TRPM3: variants seen among roughly 807,000 people sequenced by gnomAD.
TRPM3 encodes transient receptor potential cation channel subfamily M member 3.
Under a neutral mutation model 181.2 loss-of-function variants are expected in TRPM3, and 77 were observed. That is an observed-to-expected ratio of 0.42 (90% confidence interval 0.35 to 0.51). The LOEUF is 0.51. Among genes scored for constraint, TRPM3 ranks in the 20% least tolerant of loss-of-function variants. TRPM3 has a pLI of 0.01. For missense variants in TRPM3, 1,759 were observed against 2,196.7 expected (o/e 0.80, Z 3.98); for synonymous variants, 745 against 796.4 (o/e 0.94, Z 1.09).
At position 70,611,444 on chromosome 9, in the gene TRPM3, C is replaced by T. The variant is rs369267936; in HGVS notation, c.2527-695G>A. Among the ~76,000 whole-genome samples the T allele has an allele frequency of 9.9e-5, 15 of 152,220 alleles. No homozygotes were observed. The South Asian group carries it at 1.7e-3, about 17-fold the overall frequency. On this transcript the variant is annotated intron_variant, in intron 18 of 25. Coordinates refer to ENST00000677713, the MANE Select transcript of TRPM3 (RefSeq NM_001366145.2). ...ATGGTTTTAAAGTGTGGCACTTCCT[C>T]GGTCTGTCACTCTCTCTCTCCTGCC...
At chr9:70,689,065 C>G (rs767682327) in intron 8 of TRPM3, among the ~76,000 whole-genome samples, 10 of 152,102 alleles carry the variant, frequency 6.6e-5, no homozygotes, top group Non-Finnish European at 1.0e-4. Context: ...GGTAACATAG[C>G]AAAGTGAATG....
intron 1 of TRPM3, among the ~76,000 whole-genome samples, chr9:71,342,148 T>TA (rs1004193390): frequency 2.7e-5 from 4 of 150,166 alleles, no homozygotes; most frequent in African/African-American, 9.7e-5. Flanking sequence ...CAGACACTTT[T>TA]AAATATCACT....
intron 1 of TRPM3, chr9:71,446,618 A>C: frequency 1.9e-6 from 3 of 1,542,054 alleles, no homozygotes; most frequent in Non-Finnish European, 2.6e-6. Context: ...GGGAGAAAAG[A>C]AAGCAAAGAC....
At chr9:70,875,016 T>A (rs2095847680) in intron 1 of TRPM3, among the ~76,000 whole-genome samples, 1 of 151,982 alleles carries the variant, frequency 6.6e-6, no homozygotes, top group Non-Finnish European at 1.5e-5. Flanking sequence ...ATGATTCCAA[T>A]TCTGAGGTCA....
At chr9:70,563,295 A>T (rs752269116) in intron 22 of TRPM3, among the ~76,000 whole-genome samples, 4 of 152,068 alleles carry the variant, frequency 2.6e-5, no homozygotes, top group Non-Finnish European at 4.4e-5. Flanking sequence ...CATGCAGCCA[A>T]CTCTCAGTCT....
At chr9:70,917,587 G>A in intron 1 of TRPM3, 1 of 420,060 alleles carries the variant, frequency 2.4e-6, no homozygotes, top group Non-Finnish European at 4.6e-6. Flanking sequence ...TTAAAATAAT[G>A]GCTTATACTA....
At chr9:70,672,588 A>C (rs779511673) in intron 9 of TRPM3, among the ~76,000 whole-genome samples, 2 of 152,218 alleles carry the variant, frequency 1.3e-5, no homozygotes, top group Non-Finnish European at 2.9e-5. Flanking sequence ...TTTCAGCAAT[A>C]TTCCACTGAT....
At chr9:71,000,683 C>T (rs1473359845) in intron 1 of TRPM3, among the ~76,000 whole-genome samples, 1 of 152,166 alleles carries the variant, frequency 6.6e-6, no homozygotes, top group Non-Finnish European at 1.5e-5. Flanking sequence ...GATCTTACCC[C>T]TTACTTCATT....
intron 1 of TRPM3, among the ~76,000 whole-genome samples, chr9:71,294,633 G>C (rs1242469645): frequency 6.6e-6 from 1 of 152,104 alleles, no homozygotes; most frequent in African/African-American, 2.4e-5. Context: ...CTAATTCTAA[G>C]TGTAAACCCC....
chr9:71,342,467 T>C (rs1409084412), intron 1 of TRPM3, among the ~76,000 whole-genome samples: 1 of 151,720 alleles, frequency 6.6e-6, no homozygotes, highest in Non-Finnish European at 1.5e-5. Flanking sequence ...TTGAGTATTA[T>C]ACAGCTATAA....
intron 1 of TRPM3, among the ~76,000 whole-genome samples, chr9:70,922,285 C>G (rs921787541): frequency 2.6e-5 from 4 of 152,110 alleles, no homozygotes; most frequent in African/African-American, 4.8e-5. Flanking sequence ...AATATCACCC[C>G]TCCCCACAAA....
intron 1 of TRPM3, among the ~76,000 whole-genome samples, chr9:71,059,566 G>A (rs940731016): frequency 3.3e-5 from 5 of 151,962 alleles, no homozygotes; most frequent in African/African-American, 1.2e-4. Flanking sequence ...CTGTTGCTGG[G>A]AAGATGTTTT....
chr9:70,765,119 A>C (rs2135350990), intron 7 of TRPM3, among the ~76,000 whole-genome samples: 1 of 152,302 alleles, frequency 6.6e-6, no homozygotes. Flanking sequence ...ATTTGTGCTA[A>C]GTCATACTGC....
chr9:71,299,491 A>G (rs1344453539), intron 1 of TRPM3, among the ~76,000 whole-genome samples: 2 of 151,704 alleles, frequency 1.3e-5, no homozygotes, highest in Non-Finnish European at 2.9e-5. Flanking sequence ...AGGAAAATAA[A>G]AGAGAAAAAG....
chr9:71,203,565 T>C (rs1265600062), intron 1 of TRPM3, among the ~76,000 whole-genome samples: 7 of 152,244 alleles, frequency 4.6e-5, no homozygotes, highest in African/African-American at 1.2e-4. Context: ...TTGGAGACTG[T>C]CTGTGTTGAA....
chr9:71,092,037 T>C (rs2066309054), intron 1 of TRPM3, among the ~76,000 whole-genome samples: 1 of 152,126 alleles, frequency 6.6e-6, no homozygotes, highest in Non-Finnish European at 1.5e-5. Context: ...GCCACATCGG[T>C]TTAGTAGTTT....
intron 1 of TRPM3, among the ~76,000 whole-genome samples, chr9:70,990,188 T>A (rs1290050733): frequency 3.9e-5 from 6 of 152,304 alleles, no homozygotes; most frequent in African/African-American, 1.4e-4. Flanking sequence ...TCTCTCAAAA[T>A]CTGCTGCATG....
intron 1 of TRPM3, among the ~76,000 whole-genome samples, chr9:71,365,530 C>T (rs973871515): frequency 4.6e-5 from 7 of 152,064 alleles, no homozygotes; most frequent in South Asian, 4.1e-4. Flanking sequence ...TAGTAACATA[C>T]GGATTATGAT....
At position 70,949,133 on chromosome 9, in the gene TRPM3, G is replaced by T. The variant is rs2992997; in HGVS notation, c.178-84622C>A. Among the ~76,000 whole-genome samples, 626 of 152,212 alleles carry T rather than the reference G, an allele frequency of 4.1e-3. 6 individuals carry two copies. Among genetic ancestry groups the T allele is most frequent in the African/African-American group, 0.015 (608 of 41,544 alleles). On this transcript the variant is annotated intron_variant, in intron 1 of 25. Transcript: ENST00000677713. ...GAGACCAAATTCATAGAGCTCACAG[G>T]ATACTGGGGTGAGGGAGGCAGTAAT...
Sources: gnomAD v4.1 joint callset for allele counts (sites outside exome capture counted in the v4.1 genomes callset) on GRCh38, gnomAD v4.1.1 for gene constraint, MANE v1.5 for transcripts, NCBI Gene and HGNC (gene_info 2026-07-23, HGNC 2026-07-21) for gene names.